The following SLURP2 variants were observed in gnomAD, a reference collection of about 807,000 sequenced individuals.
The protein encoded by SLURP2 is secreted Ly-6/uPAR domain-containing protein 2.
Under a neutral mutation model 9.8 loss-of-function variants are expected in SLURP2, and 4 were observed. That is an observed-to-expected ratio of 0.41 (90% CI 0.20 to 0.94). The LOEUF is 0.94. Among genes scored for constraint, SLURP2 ranks in the 40% least tolerant of loss-of-function variants. SLURP2 has a pLI of 0.32. For synonymous variants in SLURP2, 58 were observed against 56.2 expected (o/e 1.03, Z -0.15); for missense variants, 118 against 126.4 (o/e 0.93, Z 0.32).
At chr8:142,765,280 C>CT in intron 1 of SLURP2, 140 bp from the exon 2 acceptor site, 1 of 663,780 alleles carries the variant, frequency 1.5e-6, no homozygotes, top group African/African-American at 1.8e-5. Context: ...TGTGATCCAG[C>CT]CCTCTCAGGA....
rs1433093823 is a variant in SLURP2 at position 142,768,379 on chromosome 8, T to G, written c.52+1376A>C. On this transcript the variant is annotated intron_variant, in intron 1 of 2. Transcript: ENST00000317543. This position sits in a 1 kb window ranked among gnomAD's most constrained non-coding sequence, Gnocchi z 4.8. ...CTGGCCCCTCGGGGAGATTGTGCTG[T>G]CCATGTATGGCAGAGAGCAGACACC... Among the ~76,000 whole-genome samples the G allele has an allele frequency of 6.6e-6, 1 of 152,040 alleles. No individual in the cohort carries two copies. Among genetic ancestry groups the G allele is most frequent in the African/African-American group, 2.4e-5 (1 of 41,390 alleles).
chr8:142,765,594 G>A (rs948259143), intron 1 of SLURP2, among the ~76,000 whole-genome samples: 9 of 152,298 alleles, frequency 5.9e-5, no homozygotes, highest in Middle Eastern at 3.4e-3. Flanking sequence ...CGATGATGGG[G>A]CCGTTCCTGC....
chr8:142,765,779 G>A (rs1181171692), intron 1 of SLURP2, among the ~76,000 whole-genome samples: 1 of 152,108 alleles, frequency 6.6e-6, no homozygotes, highest in Non-Finnish European at 1.5e-5. Flanking sequence ...TGGCCAATAT[G>A]GTGAAACCCT....
chr8:142,766,566 G>A (rs1467316216), intron 1 of SLURP2: 5 of 152,392 alleles, frequency 3.3e-5, no homozygotes, highest in Middle Eastern at 3.4e-3. Context: ...CGCGGGCGCT[G>A]CTGTGGGTCT....
chr8:142,764,622 G>C lies in SLURP2; in HGVS notation c.277C>G (p.Leu93Val). 6.2e-7 allele frequency: 1 copy of C among 1,606,960 alleles called. No homozygotes were observed. The highest frequency in any genetic ancestry group is 1.3e-5 in the African/African-American group (1 of 74,624). ...GGCAGCCGTCAGTCATGGTTGCAGA[G>C]GCTGGTCTGGCAGCAAGCGATGGAT... is the stretch of plus-strand genomic sequence containing the variant. ...YVSIACCQTS[L>V]CNHD The change falls in exon 3 of 3, where the codon CTC (leucine) becomes GTC (valine). Residue 93 changes from leucine to valine, a missense_variant. Leu to Val is a conservative substitution (Grantham distance 32). Coordinates refer to ENST00000317543, the MANE Select transcript of SLURP2 (RefSeq NM_177458.3).
chr8:142,764,798 C>T (rs1814948192), intron 2 of SLURP2, 57 bp from the exon 3 acceptor site: 1 of 1,594,938 alleles, frequency 6.3e-7, no homozygotes, highest in African/African-American at 1.4e-5. Flanking sequence ...TGCCCAGACC[C>T]TGCTGCCCCA....
intron 1 of SLURP2, among the ~76,000 whole-genome samples, chr8:142,769,421 A>C (rs1395487372): frequency 6.7e-6 from 1 of 148,774 alleles, no homozygotes; most frequent in Non-Finnish European, 1.5e-5. Flanking sequence ...GGGCACATTC[A>C]GAGTGTGTGT....
intron 1 of SLURP2, among the ~76,000 whole-genome samples, chr8:142,765,987 A>G (rs1340989855): frequency 6.6e-6 from 1 of 151,920 alleles, no homozygotes; most frequent in East Asian, 1.9e-4. Context: ...AAAACAAAAA[A>G]CAAAAAACAA....
At chr8:142,769,095 C>T (rs752796908) in intron 1 of SLURP2, among the ~76,000 whole-genome samples, 1 of 152,010 alleles carries the variant, frequency 6.6e-6, no homozygotes, top group Non-Finnish European at 1.5e-5. Flanking sequence ...GATGCCAAGG[C>T]CAGGTGTGCA....
At chr8:142,769,388 C>T (rs1257644212) in intron 1 of SLURP2, among the ~76,000 whole-genome samples, 1 of 151,396 alleles carries the variant, frequency 6.6e-6, no homozygotes, top group Non-Finnish European at 1.5e-5. Context: ...AGCTGGGAGG[C>T]CAGGCCCAAG....
intron 1 of SLURP2, among the ~76,000 whole-genome samples, chr8:142,767,903 TG>T (rs1815053145): frequency 1.4e-5 from 1 of 72,122 alleles, no homozygotes; most frequent in Non-Finnish European, 3.5e-5. Flanking sequence ...AATGAATAAA[TG>T]AATGAATGAA....
At chr8:142,769,488 G>C (rs2130083191) in intron 1 of SLURP2, among the ~76,000 whole-genome samples, 1 of 150,076 alleles carries the variant, frequency 6.7e-6, no homozygotes, top group Non-Finnish European at 1.5e-5. Flanking sequence ...GGAGAGGTCT[G>C]GGGGCTGGGC....
intron 1 of SLURP2, among the ~76,000 whole-genome samples, chr8:142,765,702 T>C (rs1814983494): frequency 6.6e-6 from 1 of 152,190 alleles, no homozygotes; most frequent in South Asian, 2.1e-4. Context: ...GGCTCACGCC[T>C]GTAATCCCAG....
chr8:142,764,767 G>A, intron 2 of SLURP2, 26 bp from the exon 3 acceptor site: 1 of 1,610,694 alleles, frequency 6.2e-7, no homozygotes, highest in Non-Finnish European at 8.5e-7. Context: ...AGAAACCATG[G>A]AGCTCCCTGA....
rs1815120731 is a variant in SLURP2, at chr8:142,769,795, G to A, written c.12C>T (p.Gly4=). The part of the protein sequence containing the change: MQL[G]TGLLLAAVLS... ...GGACGGCGGCCAGCAGGAGCCCAGT[G>A]CCGAGCTGCATGTTCTCCTGGTGAG... Residue 4 remains glycine, a synonymous_variant, in exon 1 of 3, where the codon GGC becomes GGT. Transcript: ENST00000317543. 1.3e-6 allele frequency: 2 copies of A among 1,597,890 alleles called. No homozygotes were observed. Among genetic ancestry groups the A allele is most frequent in the East Asian group, 4.5e-5 (2 of 44,286 alleles).
In SLURP2 at chr8:142,764,503, G is replaced by C. The variant is rs1027901632; in HGVS notation, c.*102C>G. 6.6e-6 allele frequency: 8 copies of C among 1,217,642 alleles called. No homozygotes were observed. The highest frequency in any genetic ancestry group is 8.2e-6 in the Non-Finnish European group (7 of 849,004). 75.4% of individuals were successfully genotyped at this position (1,217,642 alleles called of 1,614,324 possible). A position where few individuals can be genotyped will look rare whatever the true frequency, so the allele number is the denominator to read the frequency against. The stretch of plus-strand genomic sequence containing the variant: ...GACGGTGGCTGCAGAGGCCGGGAGA[G>C]GTGGGCTGGCCAGTCTCGAGGGAGG... On this transcript the variant is annotated 3_prime_UTR_variant, in exon 3 of 3. Transcript: ENST00000317543.
At chr8:142,766,112 G>A (rs1814998279) in intron 1 of SLURP2, 1 of 152,156 alleles carries the variant, frequency 6.6e-6, no homozygotes, top group Non-Finnish European at 1.5e-5. Flanking sequence ...TGTGGCTAGT[G>A]AGCCTTCTCT....
rs932607598 is a variant in SLURP2, at chr8:142,768,932, C to T, written c.52+823G>A. Among the ~76,000 whole-genome samples the T allele has an allele frequency of 2.6e-5, 4 of 152,192 alleles. No individual in the cohort carries two copies. Among genetic ancestry groups the T allele is most frequent in the Non-Finnish European group, 4.4e-5 (3 of 68,030 alleles). On this transcript the variant is annotated intron_variant, in intron 1 of 2. Coordinates refer to ENST00000317543, the MANE Select transcript of SLURP2 (RefSeq NM_177458.3). This position sits in a 1 kb window ranked among gnomAD's most constrained non-coding sequence, Gnocchi z 4.8. Reference sequence around the variant, plus strand: ...CTGCCCAGGTCGTTCAACCCACAGCCAGGGACGCAGAGGCTTGGCCCCTGG... The same window carrying T: ...CTGCCCAGGTCGTTCAACCCACAGCTAGGGACGCAGAGGCTTGGCCCCTGG...
rs935095837 is a variant in SLURP2 at position 142,768,248 on chromosome 8, G to T, written c.52+1507C>A. ...AGGTGGGGTGGGGGGGAGGGGGCAG[G>T]AATAATGGAGGGACAAACAGGATGG... On this transcript the variant is annotated intron_variant, in intron 1 of 2. Transcript: ENST00000317543. This position sits in a 1 kb window ranked among gnomAD's most constrained non-coding sequence, Gnocchi z 4.8. Among the ~76,000 whole-genome samples the T allele has an allele frequency of 1.4e-3, 207 of 148,706 alleles. No individual in the cohort carries two copies. Among genetic ancestry groups the T allele is most frequent in the African/African-American group, 4.7e-3 (189 of 40,206 alleles).
Sources: gnomAD v4.1 joint callset for allele counts (sites outside exome capture counted in the v4.1 genomes callset) on GRCh38, gnomAD v4.1.1 for gene constraint, Gnocchi (gnomAD v3.1) non-coding constraint, MANE v1.5 for transcripts, NCBI Gene and HGNC (gene_info 2026-07-23, HGNC 2026-07-21) for gene names.